PDE3A: variants seen among roughly 807,000 people sequenced by gnomAD.
The protein encoded by PDE3A is cGMP-inhibited 3',5'-cyclic phosphodiesterase 3A.
Under a neutral mutation model 98.3 loss-of-function variants are expected in PDE3A, and 43 were observed. The observed-to-expected ratio is 0.44, with a 90% CI of 0.34 to 0.56. The LOEUF is 0.56. PDE3A is among the 20% of genes least tolerant of loss of function. PDE3A has a pLI of 0.01. For missense variants in PDE3A, 1,427 were observed against 1,440.7 expected, an observed-to-expected ratio of 0.99 and a Z score of 0.15; for synonymous variants, 663 against 567.9, an observed-to-expected ratio of 1.17 and a Z score of -2.38.
At chr12:20,409,984 G>A (rs1179611097) in intron 1 of PDE3A, among the ~76,000 whole-genome samples, 1 of 152,114 alleles carries the variant, frequency 6.6e-6, no homozygotes, top group African/African-American at 2.4e-5. Context: ...TAGGATACTT[G>A]CTATATTGAA....
chr12:20,527,210 T>A (rs2121173018), intron 1 of PDE3A, among the ~76,000 whole-genome samples: 1 of 152,214 alleles, frequency 6.6e-6, no homozygotes. Flanking sequence ...CCGTGTTTTT[T>A]TGTTTTGTTT....
chr12:20,538,768 C>T (rs1941817412), intron 1 of PDE3A, among the ~76,000 whole-genome samples: 1 of 152,056 alleles, frequency 6.6e-6, no homozygotes, highest in Non-Finnish European at 1.5e-5. Context: ...CCTCAGCCTC[C>T]CAAATAGCTG....
chr12:20,541,906 A>G (rs1308717238), intron 1 of PDE3A, among the ~76,000 whole-genome samples: 2 of 152,268 alleles, frequency 1.3e-5, no homozygotes, highest in African/African-American at 4.8e-5. Context: ...TTTCTTCAGC[A>G]TTTAAGAACT....
Position 20,653,936 on chromosome 12 carries a change from T to C in PDE3A, c.2926-11T>C. On this transcript the variant is annotated splice_polypyrimidine_tract_variant and intron_variant, in intron 14 of 15. Coordinates refer to ENST00000359062, the MANE Select transcript of PDE3A (RefSeq NM_000921.5). Reference sequence around the variant, plus strand: ...AGGTGAATGTTGACTTCACTTGTATTTTATTTCTAGGGTGATGAAGAGGCC... The same window carrying C: ...AGGTGAATGTTGACTTCACTTGTATCTTATTTCTAGGGTGATGAAGAGGCC... The C allele has an allele frequency of 6.2e-7, 1 of 1,610,398 alleles. No individual in the cohort carries two copies. The highest frequency in any genetic ancestry group is 8.5e-7 in the Non-Finnish European group (1 of 1,178,012).
chr12:20,411,594 T>C (rs1270264012), intron 1 of PDE3A, among the ~76,000 whole-genome samples: 1 of 152,178 alleles, frequency 6.6e-6, no homozygotes, highest in Non-Finnish European at 1.5e-5. Flanking sequence ...CCTGCGCTAC[T>C]GAAATAATGT....
chr12:20,647,183 T>C (rs1392987276), intron 12 of PDE3A, among the ~76,000 whole-genome samples: 2 of 152,188 alleles, frequency 1.3e-5, no homozygotes, highest in Non-Finnish European at 2.9e-5. Context: ...GTTTTCTTCT[T>C]AGGAAGAAAA....
At chr12:20,655,901 AACAGTG>A (rs1388731035) in intron 15 of PDE3A, among the ~76,000 whole-genome samples, 1 of 152,204 alleles carries the variant, frequency 6.6e-6, no homozygotes, top group Non-Finnish European at 1.5e-5. Flanking sequence ...GGGCAGTAGC[AACAGTG>A]ACAGTGACAA....
chr12:20,413,598 G>A (rs543230957), intron 1 of PDE3A, among the ~76,000 whole-genome samples: 3 of 152,334 alleles, frequency 2.0e-5, no homozygotes, highest in Admixed American at 1.3e-4. Context: ...GAAATCGTCA[G>A]TGCTGGGAAA....
chr12:20,687,571 G>A lies in PDE3A; in HGVS notation c.*7300G>A, dbSNP rs541278844. Reference sequence around the variant, plus strand: ...TCACAGAAGAATGCATACCATTTTTGTTCCAACAAGAACAATCTGTTAGTT... The same window carrying A: ...TCACAGAAGAATGCATACCATTTTTATTCCAACAAGAACAATCTGTTAGTT... On this transcript the variant is annotated 3_prime_UTR_variant, in exon 16 of 16. Transcript: ENST00000359062. Among the ~76,000 whole-genome samples the A allele has an allele frequency of 7.2e-5, 11 of 151,834 alleles. No homozygotes were observed. The highest frequency in any genetic ancestry group is 2.7e-4 in the African/African-American group (11 of 41,438).
Position 20,639,952 on chromosome 12 carries a change from T to A in PDE3A, c.2246T>A (p.Ile749Asn). ...GCTTTGGAGATTGGATATAGGGATA[T>A]TCCTTGTAAGTATATGTGATTTGTG... ...FHALEIGYRD[I>N]PYHNRIHATD... The change falls in exon 10 of 16, where the codon ATT (isoleucine) becomes AAT (asparagine). Residue 749 changes from isoleucine to asparagine, a missense_variant. Ile to Asn is a moderately radical substitution (Grantham distance 149). This residue lies in a region of PDE3A where 273 missense variants were observed against 420.3 expected (regional missense o/e 0.65). Coordinates refer to ENST00000359062, the MANE Select transcript of PDE3A (RefSeq NM_000921.5). 1 of 1,274,576 alleles carries A rather than the reference T, an allele frequency of 7.8e-7. No homozygotes were observed. Among genetic ancestry groups the A allele is most frequent in the Non-Finnish European group, 1.1e-6 (1 of 872,316 alleles). 79.0% of individuals were successfully genotyped at this position (1,274,576 alleles called of 1,614,324 possible). A position where few individuals can be genotyped will look rare whatever the true frequency, so the allele number is the denominator to read the frequency against.
chr12:20,501,451 G>C (rs1420873662), intron 1 of PDE3A, among the ~76,000 whole-genome samples: 2 of 151,988 alleles, frequency 1.3e-5, no homozygotes, highest in Non-Finnish European at 2.9e-5. Flanking sequence ...ATTTAAACTG[G>C]TTATATGCAA....
chr12:20,580,792 C>T (rs931846807), intron 2 of PDE3A, among the ~76,000 whole-genome samples: 3 of 152,122 alleles, frequency 2.0e-5, no homozygotes, highest in Non-Finnish European at 4.4e-5. Context: ...TCCTTTACCC[C>T]CTCTGCACAC....
At chr12:20,558,882 C>G (rs1032434055) in intron 2 of PDE3A, among the ~76,000 whole-genome samples, 2 of 152,048 alleles carry the variant, frequency 1.3e-5, no homozygotes, top group South Asian at 2.1e-4. Context: ...TGCTCAAGTC[C>G]CATCTTAGTT....
intron 2 of PDE3A, among the ~76,000 whole-genome samples, chr12:20,566,156 T>C (rs1942649393): frequency 6.6e-6 from 1 of 151,990 alleles, no homozygotes; most frequent in African/African-American, 2.4e-5. Context: ...AAACTTCTTG[T>C]CAGATTTGAT....
At chr12:20,449,328 T>A (rs1269301293) in intron 1 of PDE3A, among the ~76,000 whole-genome samples, 3 of 152,246 alleles carry the variant, frequency 2.0e-5, no homozygotes, top group African/African-American at 7.2e-5. Flanking sequence ...AAATAAAATT[T>A]TATGAGGCAA....
chr12:20,479,626 T>G (rs1180104041), intron 1 of PDE3A, among the ~76,000 whole-genome samples: 3 of 152,190 alleles, frequency 2.0e-5, no homozygotes, highest in Non-Finnish European at 2.9e-5. Context: ...CTTGCTCCTT[T>G]GAGTTTATGG....
At chr12:20,417,409 A>C (rs985476962) in intron 1 of PDE3A, among the ~76,000 whole-genome samples, 2 of 152,218 alleles carry the variant, frequency 1.3e-5, no homozygotes. Flanking sequence ...ATATTAAAGA[A>C]TATTTTACAA....
intron 1 of PDE3A, among the ~76,000 whole-genome samples, chr12:20,461,458 G>T (rs778456634): frequency 6.6e-6 from 1 of 152,060 alleles, no homozygotes; most frequent in Non-Finnish European, 1.5e-5. Context: ...CCATAACATG[G>T]TAGAATCACC....
rs766295398 is a variant in PDE3A, at chr12:20,613,546, C to T, written c.1115C>T (p.Thr372Ile). ...ADPSLPPNVC[T>I]SLRAVSNLLS... ...CCTTCTCTTCCACCAAACGTGTGCA[C>T]ATCCTTGAGAGCCGTGAGCAACTTG... Residue 372 changes from threonine to isoleucine, a missense_variant, in exon 3 of 16, where the codon ACA becomes ATA. Around this residue, in one of 3 missense-constraint regions of PDE3A, gnomAD observed 1,012 missense variants for 886.5 expected, o/e 1.14. Transcript: ENST00000359062. The T allele has an allele frequency of 6.2e-7, 1 of 1,614,170 alleles. No homozygotes were observed. The highest frequency in any genetic ancestry group is 8.5e-7 in the Non-Finnish European group (1 of 1,180,008).
Sources: allele counts gnomAD v4.1 joint callset (sites outside exome capture counted in the v4.1 genomes callset), GRCh38; gene constraint gnomAD v4.1.1; regional missense constraint gnomAD v4.1.1; transcripts MANE v1.5; gene names NCBI Gene and HGNC (gene_info 2026-07-23, HGNC 2026-07-21).